KIF2C: variants seen among roughly 807,000 people sequenced by gnomAD.
KIF2C encodes the protein kinesin-like protein KIF2C.
KIF2C carries 34 observed loss-of-function variants against 97.4 expected under a neutral mutation model. That is an observed-to-expected ratio of 0.35 (90% CI 0.27 to 0.46). The LOEUF (loss-of-function observed/expected upper bound fraction) is 0.46. KIF2C is among the 20% of genes least tolerant of loss of function. The pLI is 1.00. For synonymous variants in KIF2C, 313 were observed against 318.2 expected (o/e 0.98, Z 0.17); for missense variants, 750 against 907.6 (o/e 0.83, Z 2.23).
At chr1:44,761,249 C>T (rs1469608520) in intron 16 of KIF2C, among the ~76,000 whole-genome samples, 2 of 152,128 alleles carry the variant, frequency 1.3e-5, no homozygotes, top group African/African-American at 4.8e-5. Context: ...CTAAGCTCTA[C>T]CTAAGGCATT....
chr1:44,742,405 G>A (rs566347761), intron 2 of KIF2C, among the ~76,000 whole-genome samples: 2 of 150,536 alleles, frequency 1.3e-5, no homozygotes, highest in South Asian at 2.2e-4. Context: ...CACCATGCCC[G>A]GCTCTGGTAT....
At chr1:44,754,466 C>T (rs1649708837) in intron 7 of KIF2C, among the ~76,000 whole-genome samples, 1 of 152,082 alleles carries the variant, frequency 6.6e-6, no homozygotes, top group African/African-American at 2.4e-5. Flanking sequence ...GCAGTACAGT[C>T]CCCTTATTTG....
In KIF2C at chr1:44,756,189, G is replaced by C. The variant is rs1557596795; in HGVS notation, c.929G>C (p.Cys310Ser). 6.2e-7 allele frequency: 1 copy of C among 1,614,240 alleles called. No homozygotes were observed. The highest frequency in any genetic ancestry group is 2.2e-5 in the East Asian group (1 of 44,894). The stretch of plus-strand genomic sequence containing the variant: ...AAGTATCTGGAGAACCAAGCATTCT[G>C]CTTTGACTTTGCATTTGATGAAACA... ...LTKYLENQAFCFDFAFDETAS... is the reference protein window; with the variant it reads ...LTKYLENQAFSFDFAFDETAS... Residue 310 changes from cysteine to serine, a missense_variant, in exon 10 of 21, where the codon TGC (cysteine) becomes TCC (serine). By Grantham distance (112) the Cys-to-Ser change is moderately radical (BLOSUM62 -1). Transcript: ENST00000372224.
chr1:44,740,829 T>A, intron 1 of KIF2C, 84 bp from the exon 2 acceptor site: 74 of 435,060 alleles, frequency 1.7e-4, no homozygotes, highest in Middle Eastern at 4.7e-4. Flanking sequence ...TCAGGTTAAC[T>A]CCACTTTGGG....
At chr1:44,758,229 TATTA>T in intron 13 of KIF2C, 89 bp downstream of exon 13, 3 of 1,056,288 alleles carry the variant, frequency 2.8e-6, no homozygotes, top group Non-Finnish European at 4.3e-6. Context: ...GCCAAAAACC[TATTA>T]GCTGATTAGC....
intron 19 of KIF2C, among the ~76,000 whole-genome samples, chr1:44,765,224 G>T (rs927014853): frequency 6.6e-6 from 1 of 151,982 alleles, no homozygotes; most frequent in Non-Finnish European, 1.5e-5. Flanking sequence ...AGGAGTTCGA[G>T]ACCAGCCTGG....
At chr1:44,747,777 G>T (rs1649290912) in intron 4 of KIF2C, 77 bp downstream of exon 4, 9 of 1,348,548 alleles carry the variant, frequency 6.7e-6, no homozygotes, top group Non-Finnish European at 9.3e-6. Context: ...AGTTGTGGAA[G>T]CTCCTCTTTT....
intron 2 of KIF2C, chr1:44,746,772 T>G: frequency 6.2e-7 from 1 of 1,605,774 alleles, no homozygotes; most frequent in Non-Finnish European, 8.5e-7. Context: ...AAACCATTAT[T>G]AAGGAGTAAC....
chr1:44,756,328 G>T, intron 10 of KIF2C, 91 bp downstream of exon 10: 1 of 1,288,466 alleles, frequency 7.8e-7, no homozygotes, highest in South Asian at 1.3e-5. Context: ...CAGACGTGCT[G>T]AATTCTGAGG....
intron 20 of KIF2C, 37 bp downstream of exon 20, chr1:44,766,986 T>C: frequency 6.2e-7 from 1 of 1,613,266 alleles, no homozygotes; most frequent in South Asian, 1.1e-5. Context: ...TGGACGATGG[T>C]GGCCTCTGCT....
At chr1:44,761,768 C>T in intron 16 of KIF2C, 148 bp from the exon 17 acceptor site, 3 of 718,230 alleles carry the variant, frequency 4.2e-6, no homozygotes, top group Middle Eastern at 3.3e-4. Flanking sequence ...TGGCCTAGCA[C>T]AGCGCGGTGC....
chr1:44,754,078 C>A (rs1343282639), intron 7 of KIF2C, among the ~76,000 whole-genome samples: 5 of 150,838 alleles, frequency 3.3e-5, no homozygotes, highest in South Asian at 4.2e-4. Context: ...CTCAGCCTCC[C>A]AAGTAGCTGG....
intron 5 of KIF2C, 58 bp downstream of exon 5, chr1:44,750,622 G>T: frequency 7.1e-7 from 1 of 1,399,110 alleles, no homozygotes. Flanking sequence ...ACATTGCTTG[G>T]TCCCTGTGCT....
At chr1:44,743,746 A>G (rs1484988593) in intron 2 of KIF2C, among the ~76,000 whole-genome samples, 1 of 152,174 alleles carries the variant, frequency 6.6e-6, no homozygotes, top group Admixed American at 6.6e-5. Flanking sequence ...GAGCCACTAC[A>G]CTCCAGCCTG....
At chr1:44,757,359 C>T (rs1199001067) in intron 10 of KIF2C, among the ~76,000 whole-genome samples, 197 bp from the exon 11 acceptor site, 1 of 152,206 alleles carries the variant, frequency 6.6e-6, no homozygotes, top group Admixed American at 6.5e-5. Flanking sequence ...CCCCAACACC[C>T]ATCCCACTGC....
In KIF2C at chr1:44,757,581, A is replaced by G. The variant is rs1244664003; in HGVS notation, c.1003A>G (p.Thr335Ala). 3 of 1,613,498 alleles carry G rather than the reference A, an allele frequency of 1.9e-6. No homozygotes were observed. The highest frequency in any genetic ancestry group is 2.5e-6 in the Non-Finnish European group (3 of 1,179,380). Residue 335 changes from threonine (T) to alanine (A), a missense_variant, in exon 11 of 21, where the codon ACA becomes GCA. Transcript: ENST00000372224. ...YRFTARPLVQTIFEGGKATCF... is the reference protein window; with the variant it reads ...YRFTARPLVQAIFEGGKATCF... The stretch of plus-strand genomic sequence containing the variant: ...GTTCACAGCAAGGCCACTGGTACAG[A>G]CAATCTTTGAAGGTGGAAAAGCAAC...
In KIF2C at chr1:44,761,960, A is replaced by C. The variant is rs567554356; in HGVS notation, c.1728A>C (p.Leu576Phe). ...GCATAAGCTCCTGTGAATATACTTT[A>C]AACACCCTGAGATATGCAGACAGGT... ...SPGISSCEYT[L>F]NTLRYADRVK... Residue 576 changes from leucine to phenylalanine, a missense_variant, in exon 17 of 21, where the codon TTA becomes TTC. Coordinates refer to ENST00000372224, the MANE Select transcript of KIF2C (RefSeq NM_006845.4). 16 of 1,614,114 alleles carry C rather than the reference A, an allele frequency of 9.9e-6. No homozygotes were observed. The African/African-American group carries it at 2.1e-4, about 22-fold the overall frequency.
intron 1 of KIF2C, among the ~76,000 whole-genome samples, chr1:44,740,403 G>C (rs899901983): frequency 6.6e-6 from 1 of 152,198 alleles, no homozygotes; most frequent in African/African-American, 2.4e-5. Context: ...GGACAGACAA[G>C]AACCCTGCGC....
At chr1:44,753,680 C>T (rs1488411246) in intron 6 of KIF2C, 53 bp from the exon 7 acceptor site, 3 of 1,316,312 alleles carry the variant, frequency 2.3e-6, no homozygotes, top group Non-Finnish European at 3.2e-6. Flanking sequence ...CTGGCTTAAA[C>T]TGGTAACAGA....
Sources: allele counts gnomAD v4.1 joint callset (sites outside exome capture counted in the v4.1 genomes callset), GRCh38; gene constraint gnomAD v4.1.1; transcripts MANE v1.5; gene names NCBI Gene and HGNC (gene_info 2026-07-23, HGNC 2026-07-21).